SLCO5A1: variants seen among roughly 807,000 people sequenced by gnomAD.
SLCO5A1 encodes the protein organic anion transporter polypeptide-related protein 4.
SLCO5A1 carries 39 observed loss-of-function variants against 65.1 expected under a neutral mutation model. That is an observed-to-expected ratio of 0.60 (90% confidence interval 0.46 to 0.78). The LOEUF is 0.78. SLCO5A1 is among the 30% of genes least tolerant of loss of function. The pLI is 0.00. For synonymous variants in SLCO5A1, 438 were observed against 415.7 expected (o/e 1.05, Z -0.65); for missense variants, 1,029 against 1,069.4 (o/e 0.96, Z 0.53).
rs145553151 is a variant in SLCO5A1, at chr8:69,782,038, G to T, written c.908-20163C>A. Among the ~76,000 whole-genome samples, 418 of 152,208 alleles carry T rather than the reference G, an allele frequency of 2.7e-3. 3 individuals are homozygous for T. The highest frequency in any genetic ancestry group is 7.7e-3 in the African/African-American group (319 of 41,542). ...AATAAATTCATCTGAATTAAGAATAGATAACATCAAACACCAGGGCCTGTC... is the reference window on the plus strand; with the variant it reads ...AATAAATTCATCTGAATTAAGAATATATAACATCAAACACCAGGGCCTGTC... On this transcript the variant is annotated intron_variant, in intron 2 of 9. Coordinates refer to ENST00000260126, the MANE Select transcript of SLCO5A1 (RefSeq NM_030958.3).
At chr8:69,696,879 A>G (rs1814519801) in intron 6 of SLCO5A1, among the ~76,000 whole-genome samples, 1 of 152,212 alleles carries the variant, frequency 6.6e-6, no homozygotes, top group Admixed American at 6.5e-5. Flanking sequence ...AACACTCAGA[A>G]TCCAGCAAAG....
intron 5 of SLCO5A1, among the ~76,000 whole-genome samples, chr8:69,716,493 A>G (rs2130822158): frequency 6.6e-6 from 1 of 152,330 alleles, no homozygotes; most frequent in South Asian, 2.1e-4. Flanking sequence ...TTATTATCAC[A>G]GATAATAGTT....
chr8:69,738,199 G>T lies in SLCO5A1; in HGVS notation c.1264C>A (p.Pro422Thr). The change falls in exon 5 of 10, where the codon CCA (proline) becomes ACA (threonine). Residue 422 changes from proline (P) to threonine (T), a missense_variant. Pro to Thr is a conservative substitution (Grantham distance 38). Coordinates refer to ENST00000260126, the MANE Select transcript of SLCO5A1 (RefSeq NM_030958.3). ...MGFGKDVRDL[P>T]RAAVRILSNM... Reference sequence around the variant, plus strand: ...CTTAAGATCCTGACAGCTGCTCTTGGTAGGTCTACAAAATGACAAAAATGA... The same window carrying T: ...CTTAAGATCCTGACAGCTGCTCTTGTTAGGTCTACAAAATGACAAAAATGA... The T allele has an allele frequency of 6.2e-7, 1 of 1,600,076 alleles. No homozygotes were observed. Among genetic ancestry groups the T allele is most frequent in the Non-Finnish European group, 8.5e-7 (1 of 1,172,318 alleles).
rs141372835 is a variant in SLCO5A1 at position 69,803,375 on chromosome 8, C to T, written c.907+28392G>A. Among the ~76,000 whole-genome samples the T allele has an allele frequency of 6.5e-3, 993 of 152,236 alleles. 11 individuals are homozygous for T. The highest frequency in any genetic ancestry group is 0.022 in the African/African-American group (925 of 41,560). Reference sequence around the variant, plus strand: ...GAGGTTGCCGTGAGCCAAGACTGCGCCACTACCATCTAGCCTGGGTGACAG... The same window carrying T: ...GAGGTTGCCGTGAGCCAAGACTGCGTCACTACCATCTAGCCTGGGTGACAG... On this transcript the variant is annotated intron_variant, in intron 2 of 9. Transcript: ENST00000260126.
intron 7 of SLCO5A1, 41 bp from the exon 8 acceptor site, chr8:69,679,660 A>G: frequency 1.3e-6 from 2 of 1,599,520 alleles, no homozygotes; most frequent in East Asian, 2.2e-5. Flanking sequence ...GCCCCTCAAA[A>G]GCTAACTGTG....
Position 69,754,066 on chromosome 8 carries a change from C to T in SLCO5A1, c.1258+1358G>A, listed in dbSNP as rs529046489. 3.4e-5 allele frequency among the ~76,000 whole-genome samples: 5 copies of T among 147,884 alleles called. No individual in the cohort carries two copies. In the East Asian group the frequency reaches 8.0e-4, roughly 24 times the overall value. ...TGCTATGTTTTAAATTCTTTGACAT[C>T]AACCTTATCTCAATTGAGTTGTGAA... On this transcript the variant is annotated intron_variant, in intron 4 of 9. Coordinates refer to ENST00000260126, the MANE Select transcript of SLCO5A1 (RefSeq NM_030958.3).
At chr8:69,821,805 CAAAAAAA>C (rs11284619) in intron 2 of SLCO5A1, among the ~76,000 whole-genome samples, 3 of 115,284 alleles carry the variant, frequency 2.6e-5, no homozygotes, top group Non-Finnish European at 5.6e-5. Context: ...GACTTTGTCT[CAAAAAAA>C]AAAAAAAAAA....
chr8:69,773,020 C>T, intron 2 of SLCO5A1: 1 of 952,944 alleles, frequency 1.0e-6, no homozygotes, highest in Non-Finnish European at 1.2e-6. Flanking sequence ...GGAGGGAGGA[C>T]AGAGAAGGCT....
chr8:69,743,782 T>C (rs1047257265), intron 4 of SLCO5A1, among the ~76,000 whole-genome samples: 5 of 152,118 alleles, frequency 3.3e-5, no homozygotes, highest in African/African-American at 1.2e-4. Context: ...AGGTGCTATC[T>C]ACAGGCAACC....
At chr8:69,824,128 T>C (rs1245447165) in intron 2 of SLCO5A1, among the ~76,000 whole-genome samples, 1 of 151,176 alleles carries the variant, frequency 6.6e-6, no homozygotes, top group African/African-American at 2.4e-5. Flanking sequence ...TTTAAAGCAG[T>C]GTGTAGAGGG....
intron 5 of SLCO5A1, among the ~76,000 whole-genome samples, chr8:69,719,232 ATGCTAAATACTGCACTTT>A (rs1457943368): frequency 6.6e-6 from 1 of 152,246 alleles, no homozygotes; most frequent in Non-Finnish European, 1.5e-5. Flanking sequence ...CTTAACCAGT[ATGCTAAATACTGCACTTT>A]TAACCTGAAG....
At chr8:69,798,352 A>C (rs1381411182) in intron 2 of SLCO5A1, among the ~76,000 whole-genome samples, 1 of 152,184 alleles carries the variant, frequency 6.6e-6, no homozygotes, top group Non-Finnish European at 1.5e-5. Context: ...TATAAAGAAA[A>C]GAGCTTTAAT....
intron 5 of SLCO5A1, among the ~76,000 whole-genome samples, chr8:69,726,645 G>A (rs1004109176): frequency 4.0e-5 from 6 of 151,884 alleles, no homozygotes; most frequent in African/African-American, 9.7e-5. Context: ...GATTACAGGC[G>A]TGTGCCACCA....
chr8:69,743,172 A>G (rs1816872143), intron 4 of SLCO5A1, among the ~76,000 whole-genome samples: 1 of 152,164 alleles, frequency 6.6e-6, no homozygotes, highest in Non-Finnish European at 1.5e-5. Context: ...CTGAGGGCAG[A>G]GGCCGTAATT....
At chr8:69,750,179 A>G (rs1817229760) in intron 4 of SLCO5A1, among the ~76,000 whole-genome samples, 1 of 152,186 alleles carries the variant, frequency 6.6e-6, no homozygotes, top group South Asian at 2.1e-4. Flanking sequence ...CTGGGAGACC[A>G]CAGAGCTTTG....
chr8:69,744,672 C>T (rs1424013830), intron 4 of SLCO5A1, among the ~76,000 whole-genome samples: 1 of 152,128 alleles, frequency 6.6e-6, no homozygotes, highest in African/African-American at 2.4e-5. Context: ...AGGAGGCACT[C>T]AAAAAATATA....
At chr8:69,822,396 A>C (rs1048819558) in intron 2 of SLCO5A1, among the ~76,000 whole-genome samples, 1 of 152,242 alleles carries the variant, frequency 6.6e-6, no homozygotes, top group African/African-American at 2.4e-5. Context: ...GAAAGTTCTC[A>C]TGATAAAACC....
intron 6 of SLCO5A1, among the ~76,000 whole-genome samples, chr8:69,687,030 G>A (rs1363473872): frequency 2.3e-5 from 3 of 132,562 alleles, no homozygotes; most frequent in East Asian, 2.3e-4. Flanking sequence ...GACATAACAC[G>A]CGCTAAGATA....
chr8:69,760,516 A>C (rs763493940), intron 3 of SLCO5A1, among the ~76,000 whole-genome samples: 21 of 152,228 alleles, frequency 1.4e-4, no homozygotes, highest in Non-Finnish European at 2.6e-4. Flanking sequence ...AAGTACTCTA[A>C]GACATTTTTT....
Sources: allele counts gnomAD v4.1 joint callset (sites outside exome capture counted in the v4.1 genomes callset), GRCh38; gene constraint gnomAD v4.1.1; transcripts MANE v1.5; gene names NCBI Gene and HGNC (gene_info 2026-07-23, HGNC 2026-07-21).